MTR: variants seen among roughly 807,000 people sequenced by gnomAD.
The protein encoded by MTR is 5-methyltetrahydrofolate-homocysteine methyltransferase, also known as methionine synthase.
In MTR, 84 loss-of-function variants were observed where a neutral mutation model predicts 154.8. That is an observed-to-expected ratio of 0.54 (90% CI 0.45 to 0.65). The LOEUF (loss-of-function observed/expected upper bound fraction) is 0.65. Among genes scored for constraint, MTR ranks in the 30% least tolerant of loss-of-function variants. The pLI, the probability that MTR is intolerant of heterozygous loss-of-function variation, is 0.00. For missense variants in MTR, 1,275 were observed against 1,570.2 expected (o/e 0.81, Z 3.18); for synonymous variants, 554 against 553.9 (o/e 1.00, Z 0.00).
rs547740177 is a variant in MTR, at chr1:236,844,778, T to C, written c.1516-5566T>C. 5.3e-5 allele frequency among the ~76,000 whole-genome samples: 8 copies of C among 152,252 alleles called. No homozygotes were observed. The South Asian group carries it at 1.7e-3, about 32-fold the overall frequency. ...TCTATAATTGCTTCTGTTTTCTCAG[T>C]GAAGTTGGAAGCAAGGTCAACTCAG... On this transcript the variant is annotated intron_variant, in intron 15 of 32. Coordinates refer to ENST00000366577, the MANE Select transcript of MTR (RefSeq NM_000254.3).
In MTR at chr1:236,862,363, C is replaced by T. The variant is rs754336643; in HGVS notation, c.2304+20C>T. The T allele has an allele frequency of 6.3e-7, 1 of 1,593,430 alleles. No homozygotes were observed. The highest frequency in any genetic ancestry group is 1.1e-5 in the South Asian group (1 of 90,632). On this transcript the variant is annotated intron_variant, in intron 21 of 32. Coordinates refer to ENST00000366577, the MANE Select transcript of MTR (RefSeq NM_000254.3). ...GAAGAGGCAAGTCATTTTGTTCAGGCCTATGGGCCTTTAGTGGGTTGACCT... is the reference window on the plus strand; with the variant it reads ...GAAGAGGCAAGTCATTTTGTTCAGGTCTATGGGCCTTTAGTGGGTTGACCT...
chr1:236,871,664 A>AG (rs1175022434), intron 22 of MTR, among the ~76,000 whole-genome samples: 3 of 152,150 alleles, frequency 2.0e-5, no homozygotes, highest in African/African-American at 7.2e-5. Context: ...TATGTTAAAA[A>AG]GAAAAAAAAA....
chr1:236,809,391 G>GAGGGAGGGA (rs1558276223), intron 4 of MTR, among the ~76,000 whole-genome samples: 1 of 152,204 alleles, frequency 6.6e-6, no homozygotes, highest in Non-Finnish European at 1.5e-5. Context: ...AGGAGGCTTT[G>GAGGGAGGGA]AGGGAGGGAA....
At chr1:236,803,705 C>T (rs1660818157) in intron 2 of MTR, 63 bp downstream of exon 2, 1 of 1,498,538 alleles carries the variant, frequency 6.7e-7, no homozygotes, top group Non-Finnish European at 9.3e-7. Flanking sequence ...TTTCATGTAT[C>T]AGGGCAGGCT....
intron 30 of MTR, chr1:236,894,790 G>A (rs1558347854): frequency 3.5e-6 from 2 of 569,026 alleles, no homozygotes; most frequent in Non-Finnish European, 6.2e-6. Context: ...GCCACAGTTG[G>A]CTGTTGCTCT....
intron 15 of MTR, among the ~76,000 whole-genome samples, chr1:236,839,035 G>A (rs948147643): frequency 6.6e-6 from 1 of 152,120 alleles, no homozygotes; most frequent in Non-Finnish European, 1.5e-5. Context: ...TAAAAATATG[G>A]TATTATAACC....
rs757585550 is a variant in MTR at position 236,889,206 on chromosome 1, G to T, written c.2877G>T (p.Gln959His). Residue 959 changes from glutamine (Q) to histidine (H), a missense_variant, in exon 28 of 33, where the codon CAG becomes CAT. Gln to His is a conservative substitution (Grantham distance 24). Transcript: ENST00000366577. ...HPVKPTFIGT[Q>H]VFEDYDLQKL... ...TGAAGCCCACGTTTATTGGGACCCA[G>T]GTCTTTGAAGACTATGACCTGCAGA... 1 of 1,614,188 alleles carries T rather than the reference G, an allele frequency of 6.2e-7. No homozygotes were observed.
At chr1:236,893,034 T>C (rs1449164841) in intron 29 of MTR, among the ~76,000 whole-genome samples, 1 of 152,272 alleles carries the variant, frequency 6.6e-6, no homozygotes, top group African/African-American at 2.4e-5. Context: ...AACATTCTGG[T>C]GGCAGTGCCT....
intron 23 of MTR, 117 bp downstream of exon 23, chr1:236,873,957 C>G: frequency 1.0e-6 from 1 of 997,592 alleles, no homozygotes; most frequent in East Asian, 2.5e-5. Flanking sequence ...GTGGGACATA[C>G]AATCAAGTGC....
chr1:236,892,020 C>A (rs537031646), intron 29 of MTR, among the ~76,000 whole-genome samples: 8 of 152,280 alleles, frequency 5.3e-5, no homozygotes, highest in Admixed American at 2.6e-4. Context: ...TCATCCCCCC[C>A]ACCTTTGAAA....
chr1:236,808,907 A>C, intron 4 of MTR, 134 bp downstream of exon 4: 2 of 779,916 alleles, frequency 2.6e-6, no homozygotes, highest in Non-Finnish European at 4.5e-6. Context: ...TGTATTTTAC[A>C]TGTTTGTAGA....
chr1:236,891,175 T>C lies in MTR; in HGVS notation c.3050T>C (p.Leu1017Pro). 1 of 1,614,222 alleles carries C rather than the reference T, an allele frequency of 6.2e-7. No individual in the cohort carries two copies. Among genetic ancestry groups the C allele is most frequent in the Non-Finnish European group, 8.5e-7 (1 of 1,180,036 alleles). The change falls in exon 29 of 33, where the codon CTG becomes CCG. Residue 1017 changes from leucine (L) to proline (P), a missense_variant. Transcript: ENST00000366577. ...RKVYDDAHNM[L>P]NTLISQKKLR... Reference sequence around the variant, plus strand: ...GTCTACGATGATGCCCACAATATGCTGAACACACTGATTAGTCAAAAGAAA... The same window carrying C: ...GTCTACGATGATGCCCACAATATGCCGAACACACTGATTAGTCAAAAGAAA...
At position 236,795,331 on chromosome 1, in the gene MTR, G is replaced by C. The variant is rs1240090028; in HGVS notation, c.-373G>C. 4 of 1,290,048 alleles carry C rather than the reference G, an allele frequency of 3.1e-6. No individual in the cohort carries two copies. Among genetic ancestry groups the C allele is most frequent in the Non-Finnish European group, 3.0e-6 (3 of 994,006 alleles). 79.9% of individuals were successfully genotyped at this position (1,290,048 alleles called of 1,614,324 possible). On this transcript the variant is annotated 5_prime_UTR_variant, in exon 1 of 33. Transcript: ENST00000366577. ...TCTGAAAGGTTCTAAATGTCTGCGGGGCTCAGAGCCGGATGTCACGTCGTC... is the reference window on the plus strand; with the variant it reads ...TCTGAAAGGTTCTAAATGTCTGCGGCGCTCAGAGCCGGATGTCACGTCGTC...
intron 29 of MTR, among the ~76,000 whole-genome samples, chr1:236,892,771 C>G (rs778665714): frequency 2.6e-5 from 4 of 152,188 alleles, no homozygotes; most frequent in Non-Finnish European, 5.9e-5. Context: ...TATTCTTTTA[C>G]AGACATAACT....
chr1:236,826,952 T>C (rs1479344952), intron 11 of MTR, 56 bp downstream of exon 11: 8 of 1,480,644 alleles, frequency 5.4e-6, no homozygotes, highest in Admixed American at 1.7e-5. Flanking sequence ...CAGGTAATAA[T>C]CTAAATATGT....
intron 5 of MTR, 29 bp from the exon 6 acceptor site, chr1:236,812,709 A>G: frequency 6.3e-7 from 1 of 1,577,654 alleles, no homozygotes; most frequent in Non-Finnish European, 8.7e-7. Context: ...TTGATGACTG[A>G]TGTGCTGGGT....
Position 236,903,241 on chromosome 1 carries a change from T to C in MTR, c.*5597T>C, listed in dbSNP as rs1666998458. On this transcript the variant is annotated 3_prime_UTR_variant, in exon 33 of 33. Transcript: ENST00000366577. ...AGGGAACTCATGGTTTGGCTATTTC[T>C]CGTTCTTTCTGCACTGTTTCAAATT... 6.6e-6 allele frequency: 1 copy of C among 152,272 alleles called. No individual in the cohort carries two copies. Among genetic ancestry groups the C allele is most frequent in the South Asian group, 2.1e-4 (1 of 4,838 alleles). 9.4% of individuals were successfully genotyped at this position (152,272 alleles called of 1,614,324 possible).
At chr1:236,847,989 C>T (rs868026394) in intron 15 of MTR, among the ~76,000 whole-genome samples, 1 of 152,272 alleles carries the variant, frequency 6.6e-6, no homozygotes, top group Middle Eastern at 3.4e-3. Context: ...ATGACCTGCT[C>T]CTGACAAAGG....
chr1:236,848,780 G>A (rs1305472161), intron 15 of MTR, among the ~76,000 whole-genome samples: 2 of 152,118 alleles, frequency 1.3e-5, no homozygotes, highest in Non-Finnish European at 1.5e-5. Flanking sequence ...TGCAGAGAGC[G>A]ATTAAAGAGA....
Sources: gnomAD v4.1 joint callset for allele counts (sites outside exome capture counted in the v4.1 genomes callset) on GRCh38, gnomAD v4.1.1 for gene constraint, MANE v1.5 for transcripts, NCBI Gene and HGNC (gene_info 2026-07-23, HGNC 2026-07-21) for gene names.